MMP16: variants seen among roughly 807,000 people sequenced by gnomAD.
MMP16 encodes the protein matrix metallopeptidase 16.
In MMP16, 12 loss-of-function variants were observed where a neutral mutation model predicts 67.8. The ratio of observed to expected loss-of-function variants is 0.18; its 90% confidence interval spans 0.11 to 0.29. The LOEUF is 0.29. Ranked by LOEUF, MMP16 falls within the 10% of genes least tolerant of loss-of-function variation. MMP16 has a pLI of 1.00. For synonymous variants in MMP16, 249 were observed against 255.9 expected (o/e 0.97, Z 0.26); for missense variants, 475 against 765.7 (o/e 0.62, Z 4.48).
At chr8:88,312,961 G>A (rs555491861) in intron 1 of MMP16, among the ~76,000 whole-genome samples, 5 of 151,584 alleles carry the variant, frequency 3.3e-5, no homozygotes, top group African/African-American at 7.3e-5. Flanking sequence ...GCAATAAAGA[G>A]CAAATCTCTG....
chr8:88,293,527 A>G (rs1810958162), intron 1 of MMP16, among the ~76,000 whole-genome samples: 1 of 152,140 alleles, frequency 6.6e-6, no homozygotes, highest in African/African-American at 2.4e-5. Flanking sequence ...ATTCTCAAAA[A>G]TTTAATCCAT....
intron 6 of MMP16, among the ~76,000 whole-genome samples, chr8:88,076,872 T>A (rs972839647): frequency 6.6e-6 from 1 of 152,114 alleles, no homozygotes; most frequent in East Asian, 1.9e-4. Context: ...CTCTCCAAGC[T>A]GAAGAATGGG....
intron 6 of MMP16, among the ~76,000 whole-genome samples, chr8:88,113,110 C>G (rs74989995): frequency 0.014 from 2,132 of 151,932 alleles, 33 homozygotes; most frequent in African/African-American, 0.044. Flanking sequence ...TTCATTAGCA[C>G]TGAGCACTAT....
At chr8:88,249,217 A>C (rs1422286344) in intron 1 of MMP16, among the ~76,000 whole-genome samples, 3 of 152,034 alleles carry the variant, frequency 2.0e-5, no homozygotes, top group Non-Finnish European at 2.9e-5. Context: ...GATGCGGCAG[A>C]AAAGAATTAT....
intron 4 of MMP16, among the ~76,000 whole-genome samples, chr8:88,146,623 C>T (rs145095887): frequency 5.5e-4 from 83 of 151,838 alleles, no homozygotes; most frequent in African/African-American, 1.8e-3. Context: ...TTTCTGTGTA[C>T]ACTTAGTATT....
chr8:88,268,519 T>A (rs1213991071), intron 1 of MMP16, among the ~76,000 whole-genome samples: 1 of 152,166 alleles, frequency 6.6e-6, no homozygotes, highest in Admixed American at 6.5e-5. Context: ...TCTTTTTCCA[T>A]CCTCAAATGA....
intron 3 of MMP16, among the ~76,000 whole-genome samples, chr8:88,177,266 C>T (rs903405776): frequency 3.9e-5 from 6 of 152,094 alleles, no homozygotes; most frequent in African/African-American, 1.2e-4. Flanking sequence ...GTCTCTGCTT[C>T]GATATATAAA....
At chr8:88,232,205 C>T (rs570758502) in intron 1 of MMP16, among the ~76,000 whole-genome samples, 1 of 152,106 alleles carries the variant, frequency 6.6e-6, no homozygotes, top group African/African-American at 2.4e-5. Flanking sequence ...TTCTGAAGTA[C>T]CTTTCATCTC....
intron 4 of MMP16, among the ~76,000 whole-genome samples, chr8:88,149,282 T>A (rs375499615): frequency 2.3e-4 from 35 of 152,174 alleles, no homozygotes; most frequent in Non-Finnish European, 4.1e-4. Flanking sequence ...CGAGGCTGGG[T>A]GAGGGGCGCC....
At position 88,104,712 on chromosome 8, in the gene MMP16, A is replaced by G. The variant is rs12680023; in HGVS notation, c.1083+11795T>C. 1.4e-4 allele frequency among the ~76,000 whole-genome samples: 22 copies of G among 151,742 alleles called. No individual in the cohort carries two copies. In the East Asian group the frequency reaches 4.3e-3, roughly 30 times the overall value. ...CTACTTATAAAAGAAAAAGTTAACT[A>G]TAAAACAGCCTCAGAAAGGTCCTTC... On this transcript the variant is annotated intron_variant, in intron 6 of 9. Transcript: ENST00000286614.
At chr8:88,300,953 A>G (rs1811088835) in intron 1 of MMP16, among the ~76,000 whole-genome samples, 1 of 152,190 alleles carries the variant, frequency 6.6e-6, no homozygotes, top group South Asian at 2.1e-4. Flanking sequence ...ATAGGAAGAC[A>G]AAGTTTATAA....
At position 88,117,992 on chromosome 8, in the gene MMP16, T is replaced by C. The variant is rs572753327; in HGVS notation, c.871+708A>G. On this transcript the variant is annotated intron_variant, in intron 5 of 9. Coordinates refer to ENST00000286614, the MANE Select transcript of MMP16 (RefSeq NM_005941.5). ...AAATAAATGTCTTTATAAAGGTCAA[T>C]GGTTGTATGAGGAAGTTACGATTAT... is the stretch of plus-strand genomic sequence containing the variant. Among the ~76,000 whole-genome samples the C allele has an allele frequency of 4.6e-4, 70 of 152,178 alleles. 1 individual carries two copies. Among genetic ancestry groups the C allele is most frequent in the African/African-American group, 6.0e-4 (25 of 41,570 alleles).
At chr8:88,313,444 C>G (rs1811327931) in intron 1 of MMP16, among the ~76,000 whole-genome samples, 1 of 152,144 alleles carries the variant, frequency 6.6e-6, no homozygotes, top group Admixed American at 6.5e-5. Context: ...ATTTGCTCCT[C>G]TATATGAAAG....
At chr8:88,276,996 T>G (rs1303268925) in intron 1 of MMP16, among the ~76,000 whole-genome samples, 1 of 152,300 alleles carries the variant, frequency 6.6e-6, no homozygotes, top group Admixed American at 6.5e-5. Context: ...TTAAAGATTT[T>G]CACTGTAAAA....
intron 3 of MMP16, among the ~76,000 whole-genome samples, chr8:88,171,022 T>C (rs563008778): frequency 6.4e-4 from 97 of 152,266 alleles, no homozygotes; most frequent in African/African-American, 2.3e-3. Flanking sequence ...AATGGAGAAA[T>C]TGATTTTGAT....
chr8:88,083,048 G>A (rs1405528051), intron 6 of MMP16, among the ~76,000 whole-genome samples: 1 of 151,606 alleles, frequency 6.6e-6, no homozygotes, highest in East Asian at 1.9e-4. Context: ...AAGGATTTCT[G>A]GTATTATAAA....
intron 1 of MMP16, among the ~76,000 whole-genome samples, chr8:88,238,530 C>T (rs1035628040): frequency 2.6e-5 from 4 of 151,562 alleles, no homozygotes; most frequent in South Asian, 2.1e-4. Context: ...CAGCTGGGCC[C>T]GGTGGCTTGT....
At chr8:88,065,335 C>T (rs548752289) in intron 7 of MMP16, among the ~76,000 whole-genome samples, 2 of 152,152 alleles carry the variant, frequency 1.3e-5, no homozygotes, top group South Asian at 2.1e-4. Flanking sequence ...GAAAATATTG[C>T]AGCTTTAAAT....
chr8:88,254,466 A>G (rs1243242185), intron 1 of MMP16, among the ~76,000 whole-genome samples: 1 of 152,024 alleles, frequency 6.6e-6, no homozygotes, highest in Non-Finnish European at 1.5e-5. Flanking sequence ...ATAAAAGTTA[A>G]AAAGGAAAAA....
Sources: gnomAD v4.1 joint callset for allele counts (sites outside exome capture counted in the v4.1 genomes callset) on GRCh38, gnomAD v4.1.1 for gene constraint, MANE v1.5 for transcripts, NCBI Gene and HGNC (gene_info 2026-07-23, HGNC 2026-07-21) for gene names.